The following LYPD6 variants were observed in gnomAD, a reference collection of about 807,000 sequenced individuals.
LYPD6 encodes LY6/PLAUR domain containing 6.
Under a neutral mutation model 22.7 loss-of-function variants are expected in LYPD6, and 15 were observed. The observed-to-expected ratio is 0.66, with a 90% CI of 0.44 to 1.02. The LOEUF (loss-of-function observed/expected upper bound fraction) is 1.02. Among genes scored for constraint, LYPD6 ranks in the 50% least tolerant of loss-of-function variants. LYPD6 has a pLI of 0.00. For missense variants in LYPD6, 189 were observed against 208.4 expected, an observed-to-expected ratio of 0.91 and a Z score of 0.57; for synonymous variants, 72 against 77.5, an observed-to-expected ratio of 0.93 and a Z score of 0.37.
intron 1 of LYPD6, among the ~76,000 whole-genome samples, chr2:149,407,977 T>C (rs989323806): frequency 2.0e-5 from 3 of 152,210 alleles, no homozygotes; most frequent in East Asian, 1.9e-4. Context: ...TGCAGGTCTG[T>C]TGGAGTTTGC....
rs955557959 is a variant in LYPD6, at chr2:149,470,899, G to A, written c.*49G>A. ...ATAGCGATCCATGGGGATCTCGATG[G>A]TCCACAGACCTGCATGAGTCATTGG... On this transcript the variant is annotated 3_prime_UTR_variant, in exon 5 of 5. Transcript: ENST00000334166. The A allele has an allele frequency of 3.2e-6, 5 of 1,544,910 alleles. No individual in the cohort carries two copies. In the Admixed American group the frequency reaches 8.5e-5, roughly 26 times the overall value.
downstream of LYPD6, among the ~76,000 whole-genome samples, chr2:149,476,777 A>G (rs1052608946): frequency 1.3e-5 from 2 of 152,176 alleles, no homozygotes; most frequent in African/African-American, 4.8e-5. Context: ...TTGCACCCGG[A>G]GTCTGAGCAC....
chr2:149,478,396 G>T (rs1475565072), downstream of LYPD6, among the ~76,000 whole-genome samples: 1 of 64,568 alleles, frequency 1.5e-5, no homozygotes, highest in Non-Finnish European at 4.1e-5. Context: ...GTGTGTGTGT[G>T]TGTGCGCGCA....
intron 1 of LYPD6, among the ~76,000 whole-genome samples, chr2:149,396,218 T>G (rs773590291): frequency 6.6e-6 from 1 of 152,180 alleles, no homozygotes; most frequent in Non-Finnish European, 1.5e-5. Context: ...TGAAATCAAC[T>G]GTTTTTGCCC....
At chr2:149,387,000 G>A (rs1249258414) in intron 1 of LYPD6, among the ~76,000 whole-genome samples, 1 of 152,070 alleles carries the variant, frequency 6.6e-6, no homozygotes, top group Non-Finnish European at 1.5e-5. Flanking sequence ...CCCCCAACAT[G>A]ACCCACAGGA....
Position 149,362,772 on chromosome 2 carries a change from C to T in LYPD6, c.-72+32050C>T, listed in dbSNP as rs572646394. ...GGAACGTACTCTTATGATAAATAAC[C>T]CACTCCCAAGATAATGACATTAATC... On this transcript the variant is annotated intron_variant, in intron 1 of 4. Transcript: ENST00000334166. Among the ~76,000 whole-genome samples the T allele has an allele frequency of 5.3e-5, 8 of 152,138 alleles. No individual in the cohort carries two copies. The South Asian group carries it at 1.5e-3, about 28-fold the overall frequency.
chr2:149,384,482 C>A (rs1331805906), intron 1 of LYPD6, among the ~76,000 whole-genome samples: 3 of 152,184 alleles, frequency 2.0e-5, no homozygotes, highest in Non-Finnish European at 2.9e-5. Context: ...CCATCATCTG[C>A]TTTGTTCCTG....
chr2:149,480,680 C>T, the LYPD6 span, among the ~76,000 whole-genome samples: 47 of 152,166 alleles, frequency 3.1e-4, no homozygotes, highest in Non-Finnish European at 5.6e-4. Flanking sequence ...GTGTTATTGC[C>T]GTGCACCACC....
At chr2:149,357,574 C>A (rs1681471949) in intron 1 of LYPD6, among the ~76,000 whole-genome samples, 1 of 152,050 alleles carries the variant, frequency 6.6e-6, no homozygotes, top group Admixed American at 6.5e-5. Flanking sequence ...ATAAATGTCC[C>A]ACTGTTTTAG....
At chr2:149,413,432 A>C (rs561225869) in intron 1 of LYPD6, among the ~76,000 whole-genome samples, 1 of 152,372 alleles carries the variant, frequency 6.6e-6, no homozygotes, top group East Asian at 1.9e-4. Context: ...ATTAGAAAAA[A>C]GAAGAATTTC....
chr2:149,381,791 G>C (rs182121733), intron 1 of LYPD6, among the ~76,000 whole-genome samples: 71 of 152,228 alleles, frequency 4.7e-4, no homozygotes, highest in Non-Finnish European at 7.8e-4. Context: ...GCAGAGAGTT[G>C]GGTGTTCTAA....
chr2:149,369,203 G>A (rs1440487235), intron 1 of LYPD6, among the ~76,000 whole-genome samples: 3 of 151,974 alleles, frequency 2.0e-5, no homozygotes, highest in African/African-American at 7.3e-5. Context: ...TACAGGCCAC[G>A]GGAGCCAACA....
intron 1 of LYPD6, among the ~76,000 whole-genome samples, chr2:149,433,555 C>T (rs1683363901): frequency 6.6e-6 from 1 of 152,188 alleles, no homozygotes; most frequent in Admixed American, 6.5e-5. Context: ...ATGAGGCACC[C>T]TGCTTGTTAT....
At chr2:149,386,128 G>T (rs560337569) in intron 1 of LYPD6, among the ~76,000 whole-genome samples, 1 of 152,162 alleles carries the variant, frequency 6.6e-6, no homozygotes, top group African/African-American at 2.4e-5. Flanking sequence ...AGCATGTGGG[G>T]GAAGTTACCC....
At chr2:149,462,137 G>A (rs897193066) in intron 3 of LYPD6, among the ~76,000 whole-genome samples, 3 of 151,706 alleles carry the variant, frequency 2.0e-5, no homozygotes, top group Non-Finnish European at 4.4e-5. Context: ...TTTCTATGTA[G>A]AAAATTCCAA....
intron 1 of LYPD6, among the ~76,000 whole-genome samples, chr2:149,436,186 A>C (rs1272632405): frequency 6.6e-6 from 1 of 152,184 alleles, no homozygotes; most frequent in African/African-American, 2.4e-5. Flanking sequence ...TCTGTTTCAT[A>C]ATATATTTCC....
chr2:149,466,146 A>G (rs146157403), intron 3 of LYPD6, among the ~76,000 whole-genome samples: 34 of 152,282 alleles, frequency 2.2e-4, no homozygotes, highest in African/African-American at 7.5e-4. Flanking sequence ...ACCTAGTTCT[A>G]CTTGGGAAAT....
At chr2:149,448,949 T>C in intron 2 of LYPD6, 100 bp from the exon 3 acceptor site, 2 of 922,328 alleles carry the variant, frequency 2.2e-6, no homozygotes, top group Non-Finnish European at 3.3e-6. Flanking sequence ...TGCTAAGTTG[T>C]CTTGAGAATC....
At chr2:149,414,274 A>G (rs1381604844) in intron 1 of LYPD6, among the ~76,000 whole-genome samples, 1 of 152,216 alleles carries the variant, frequency 6.6e-6, no homozygotes, top group Non-Finnish European at 1.5e-5. Flanking sequence ...TAAAACATTT[A>G]CTAAATGGTC....
Sources: gnomAD v4.1 joint callset for allele counts (sites outside exome capture counted in the v4.1 genomes callset) on GRCh38, gnomAD v4.1.1 for gene constraint, MANE v1.5 for transcripts, NCBI Gene and HGNC (gene_info 2026-07-23, HGNC 2026-07-21) for gene names.